TMEM114: variants seen among roughly 807,000 people sequenced by gnomAD.
TMEM114 encodes claudin-26.
TMEM114 carries 6 observed loss-of-function variants against 6.2 expected under a neutral mutation model. The observed-to-expected ratio is 0.97, with a 90% CI of 0.53 to 1.91. The LOEUF is 1.91. Among genes scored for constraint, TMEM114 ranks in the 40% most tolerant of loss-of-function variants. The pLI, the probability that TMEM114 is intolerant of heterozygous loss-of-function variation, is 0.01. For missense variants in TMEM114, 218 were observed against 158.3 expected (o/e 1.38, Z -2.02); for synonymous variants, 104 against 73.0 (o/e 1.42, Z -2.16).
At chr16:8,543,718 A>G (rs1027840524) in intron 2 of TMEM114, among the ~76,000 whole-genome samples, 4 of 152,124 alleles carry the variant, frequency 2.6e-5, no homozygotes, top group Non-Finnish European at 5.9e-5. Flanking sequence ...TATTGCATGA[A>G]CCCACCTGTC....
intron 2 of TMEM114, among the ~76,000 whole-genome samples, chr16:8,588,325 A>G (rs1185820930): frequency 4.6e-5 from 7 of 151,588 alleles, no homozygotes; most frequent in African/African-American, 1.2e-4. Context: ...TTCAAAGTCT[A>G]TGAAACTCAG....
chr16:8,546,563 C>G (rs1900673296), intron 2 of TMEM114, among the ~76,000 whole-genome samples: 1 of 152,204 alleles, frequency 6.6e-6, no homozygotes, highest in African/African-American at 2.4e-5. Flanking sequence ...GCAATTGGTT[C>G]AGGAAGCCAA....
At chr16:8,553,853 C>T (rs901267970) in intron 2 of TMEM114, among the ~76,000 whole-genome samples, 2 of 151,800 alleles carry the variant, frequency 1.3e-5, no homozygotes, top group African/African-American at 4.8e-5. Context: ...GCTCACACCA[C>T]TATGGCTGCT....
At chr16:8,587,808 A>C (rs1378488026) in intron 2 of TMEM114, among the ~76,000 whole-genome samples, 3 of 152,314 alleles carry the variant, frequency 2.0e-5, no homozygotes, top group Non-Finnish European at 4.4e-5. Context: ...GTGCCACTGC[A>C]TTCCAGCCTG....
At chr16:8,548,235 G>A (rs773331944) in intron 2 of TMEM114, among the ~76,000 whole-genome samples, 3 of 152,168 alleles carry the variant, frequency 2.0e-5, no homozygotes, top group Non-Finnish European at 2.9e-5. Context: ...TCTCATTTGT[G>A]AAAAGGACAT....
chr16:8,553,878 CTTTTTTTT>C (rs112276790), intron 2 of TMEM114, among the ~76,000 whole-genome samples: 2 of 144,728 alleles, frequency 1.4e-5, no homozygotes, highest in African/African-American at 5.1e-5. Flanking sequence ...TTTTCCTTTT[CTTTTTTTT>C]TTTTTCTTTT....
At chr16:8,527,264 A>G in the TMEM114 span, among the ~76,000 whole-genome samples, 11 of 152,302 alleles carry the variant, frequency 7.2e-5, no homozygotes, top group Non-Finnish European at 1.5e-4. Flanking sequence ...ATGGGCCCTT[A>G]CAGCAACTAA....
At chr16:8,550,203 G>A (rs766033583) in intron 2 of TMEM114, among the ~76,000 whole-genome samples, 1 of 152,216 alleles carries the variant, frequency 6.6e-6, no homozygotes, top group Non-Finnish European at 1.5e-5. Flanking sequence ...GTTTACCCAC[G>A]TTGTGGGTGG....
At chr16:8,534,134 A>T (rs570196853), downstream of TMEM114, among the ~76,000 whole-genome samples, 1 of 152,340 alleles carries the variant, frequency 6.6e-6, no homozygotes, top group South Asian at 2.1e-4. Context: ...TTTATTGTGC[A>T]TATTTTAAAG....
chr16:8,538,788 G>A (rs1009998179), intron 2 of TMEM114, among the ~76,000 whole-genome samples: 9 of 152,178 alleles, frequency 5.9e-5, no homozygotes, highest in Non-Finnish European at 1.2e-4. Context: ...TTACAGGTGT[G>A]AGCCACCGCG....
intron 2 of TMEM114, among the ~76,000 whole-genome samples, chr16:8,547,369 G>A (rs980183246): frequency 1.6e-4 from 23 of 148,054 alleles, no homozygotes; most frequent in Admixed American, 6.2e-4. Flanking sequence ...CTGAAGAGAC[G>A]CGCTTTCTTT....
At chr16:8,553,208 T>G (rs764646214) in intron 2 of TMEM114, among the ~76,000 whole-genome samples, 2 of 152,224 alleles carry the variant, frequency 1.3e-5, no homozygotes, top group African/African-American at 4.8e-5. Context: ...ATCAGCTCAG[T>G]GCCCCTGCTT....
intron 2 of TMEM114, among the ~76,000 whole-genome samples, chr16:8,558,596 A>G (rs534593238): frequency 1.3e-5 from 2 of 152,270 alleles, no homozygotes; most frequent in South Asian, 4.2e-4. Context: ...CAATTTCAAC[A>G]TGATCTTTTT....
At chr16:8,554,127 A>T (rs200600084) in intron 2 of TMEM114, among the ~76,000 whole-genome samples, 1 of 152,078 alleles carries the variant, frequency 6.6e-6, no homozygotes, top group African/African-American at 2.4e-5. Context: ...GATCCACCCG[A>T]CTTGGCCTCC....
chr16:8,571,894 C>G (rs1596309576), intron 3 of TMEM114, among the ~76,000 whole-genome samples, 193 bp downstream of exon 3: 1 of 152,192 alleles, frequency 6.6e-6, no homozygotes, highest in Admixed American at 6.5e-5. Context: ...CTCTGCACTG[C>G]TCCTGTCTTG....
chr16:8,548,845 T>C (rs1328167222), intron 2 of TMEM114, among the ~76,000 whole-genome samples: 1 of 152,090 alleles, frequency 6.6e-6, no homozygotes, highest in Non-Finnish European at 1.5e-5. Flanking sequence ...TCCAATTTAA[T>C]AAAGGGAGTG....
At chr16:8,577,531 G>T (rs1258606908) in intron 2 of TMEM114, among the ~76,000 whole-genome samples, 3 of 151,928 alleles carry the variant, frequency 2.0e-5, no homozygotes, top group Non-Finnish European at 2.9e-5. Flanking sequence ...TCCCTGCAGG[G>T]TTGTTTTCCT....
chr16:8,565,021 A>ATGAGTGAGTGAATGAGTGAG (rs1901488680), downstream of TMEM114, among the ~76,000 whole-genome samples: 1 of 147,458 alleles, frequency 6.8e-6, no homozygotes, highest in Admixed American at 6.7e-5. Flanking sequence ...GAGTGAATAC[A>ATGAGTGAGTGAATGAGTGAG]TGAGTGAGTG....
At chr16:8,543,091 C>T (rs1016885107) in intron 2 of TMEM114, among the ~76,000 whole-genome samples, 1 of 152,124 alleles carries the variant, frequency 6.6e-6, no homozygotes, top group African/African-American at 2.4e-5. Context: ...ATTTTTCCCC[C>T]TTTCAGCATA....
Sources: allele counts gnomAD v4.1 joint callset (sites outside exome capture counted in the v4.1 genomes callset), GRCh38; gene constraint gnomAD v4.1.1; transcripts MANE v1.5; gene names NCBI Gene and HGNC (gene_info 2026-07-23, HGNC 2026-07-21).